Variants in GNA12 observed in about 807,000 individuals in gnomAD.
GNA12 encodes G protein subunit alpha 12.
GNA12 carries 9 observed loss-of-function variants against 26.0 expected under a neutral mutation model. The observed-to-expected ratio is 0.35, with a 90% CI of 0.21 to 0.60. GNA12 has a LOEUF of 0.60. Among genes scored for constraint, GNA12 ranks in the 20% least tolerant of loss-of-function variants. The pLI is 0.78. For missense variants in GNA12, 405 were observed against 525.8 expected (o/e 0.77, Z 2.25); for synonymous variants, 264 against 219.6 (o/e 1.20, Z -1.79).
chr7:2,784,713 T>G (rs533706462), intron 2 of GNA12, among the ~76,000 whole-genome samples: 14 of 152,320 alleles, frequency 9.2e-5, no homozygotes, highest in African/African-American at 3.1e-4. Flanking sequence ...CGCTTTCTCC[T>G]GGGGATGCAT....
chr7:2,747,232 G>A (rs1790810982), intron 2 of GNA12, among the ~76,000 whole-genome samples: 1 of 152,128 alleles, frequency 6.6e-6, no homozygotes, highest in Non-Finnish European at 1.5e-5. Flanking sequence ...GAGAATTTTA[G>A]ACCAATATCC....
chr7:2,774,283 A>G (rs371700895), intron 2 of GNA12, among the ~76,000 whole-genome samples: 18 of 152,168 alleles, frequency 1.2e-4, no homozygotes, highest in Non-Finnish European at 2.1e-4. Flanking sequence ...ATATGTGTGT[A>G]TATATATGTA....
chr7:2,807,234 C>T (rs1792971056), intron 1 of GNA12, among the ~76,000 whole-genome samples: 3 of 152,162 alleles, frequency 2.0e-5, no homozygotes, highest in African/African-American at 7.2e-5. Context: ...CATTTGGCTT[C>T]TCTACTTCAA....
chr7:2,779,247 G>T (rs912138079), intron 2 of GNA12, among the ~76,000 whole-genome samples: 2 of 152,076 alleles, frequency 1.3e-5, no homozygotes, highest in Non-Finnish European at 2.9e-5. Flanking sequence ...CTACTCAGGA[G>T]GCTGACGTGA....
At chr7:2,808,152 T>A (rs1792993475) in intron 1 of GNA12, among the ~76,000 whole-genome samples, 2 of 152,278 alleles carry the variant, frequency 1.3e-5, no homozygotes, top group South Asian at 4.1e-4. Context: ...AGAGTTGGCC[T>A]CTGCAAGTTT....
chr7:2,835,531 T>C, intron 1 of GNA12: 1 of 472,500 alleles, frequency 2.1e-6, no homozygotes, highest in Non-Finnish European at 3.9e-6. Context: ...GAGACAGGGT[T>C]GTATTTGCCA....
At chr7:2,754,361 C>G (rs913956771) in intron 2 of GNA12, among the ~76,000 whole-genome samples, 3 of 152,106 alleles carry the variant, frequency 2.0e-5, no homozygotes, top group Admixed American at 6.6e-5. Context: ...TTTGAGAGTT[C>G]TGTTTTCTAG....
At chr7:2,786,723 C>T (rs758349418) in intron 2 of GNA12, among the ~76,000 whole-genome samples, 9 of 152,162 alleles carry the variant, frequency 5.9e-5, no homozygotes, top group East Asian at 1.9e-4. Context: ...TCAGCTAGTC[C>T]GTGACCAGCA....
At chr7:2,742,492 C>A (rs758958544) in intron 2 of GNA12, among the ~76,000 whole-genome samples, 1 of 152,210 alleles carries the variant, frequency 6.6e-6, no homozygotes, top group African/African-American at 2.4e-5. Context: ...TTTATCTCAT[C>A]GCTGTCCACA....
intron 1 of GNA12, among the ~76,000 whole-genome samples, chr7:2,826,965 C>T (rs938085590): frequency 6.6e-6 from 1 of 152,200 alleles, no homozygotes; most frequent in Non-Finnish European, 1.5e-5. Context: ...TCACTCACAA[C>T]TTTCCCAACC....
chr7:2,789,488 A>C (rs1053204355), intron 2 of GNA12, among the ~76,000 whole-genome samples: 45 of 152,308 alleles, frequency 3.0e-4, no homozygotes, highest in African/African-American at 1.1e-3. Context: ...ACAGCAACTC[A>C]GATCTGTGAT....
intron 1 of GNA12, among the ~76,000 whole-genome samples, chr7:2,832,646 T>G (rs1778710752): frequency 1.3e-5 from 2 of 152,230 alleles, no homozygotes; most frequent in African/African-American, 2.4e-5. Flanking sequence ...GCTGGTTCTC[T>G]GCTGCTGTGG....
chr7:2,834,767 A>C (rs1474331203), intron 1 of GNA12, among the ~76,000 whole-genome samples: 1 of 152,190 alleles, frequency 6.6e-6, no homozygotes, highest in African/African-American at 2.4e-5. Flanking sequence ...ATTGTGCTAC[A>C]ATGGCCCACA....
At chr7:2,833,334 T>TC (rs567879385) in intron 1 of GNA12, among the ~76,000 whole-genome samples, 14 of 152,296 alleles carry the variant, frequency 9.2e-5, no homozygotes, top group African/African-American at 3.1e-4. Flanking sequence ...GTTTAAATCT[T>TC]CAGTTCCATT....
At chr7:2,811,395 G>C (rs935477996) in intron 1 of GNA12, among the ~76,000 whole-genome samples, 4 of 152,236 alleles carry the variant, frequency 2.6e-5, no homozygotes, top group African/African-American at 9.6e-5. Context: ...CAGAACTCTA[G>C]TTTCCCAGCC....
chr7:2,735,829 A>C (rs542500392), intron 2 of GNA12, among the ~76,000 whole-genome samples: 1 of 152,252 alleles, frequency 6.6e-6, no homozygotes, highest in East Asian at 1.9e-4. Flanking sequence ...GGTCCGTGGG[A>C]AAGCTGCCAC....
intron 2 of GNA12, among the ~76,000 whole-genome samples, chr7:2,794,311 AT>A (rs149665492): frequency 0.019 from 2,947 of 152,256 alleles, 53 homozygotes; most frequent in Middle Eastern, 0.075. Context: ...AGCTGTGCAC[AT>A]TTATGCTGGT....
chr7:2,733,526 A>G, intron 2 of GNA12, 25 bp from the exon 3 acceptor site: 1 of 1,599,712 alleles, frequency 6.3e-7, no homozygotes, highest in Non-Finnish European at 8.6e-7. Flanking sequence ...GAATATTCAC[A>G]GCTCAGTCTG....
chr7:2,827,923 ATT>A (rs3837080), intron 1 of GNA12, among the ~76,000 whole-genome samples: 1 of 151,902 alleles, frequency 6.6e-6, no homozygotes, highest in African/African-American at 2.4e-5. Flanking sequence ...TTTATTTAAA[ATT>A]TTTTTTAATT....
Sources: gnomAD v4.1 joint callset for allele counts (sites outside exome capture counted in the v4.1 genomes callset) on GRCh38, gnomAD v4.1.1 for gene constraint, MANE v1.5 for transcripts, NCBI Gene and HGNC (gene_info 2026-07-23, HGNC 2026-07-21) for gene names.